Variants in ANKRD34A observed in about 807,000 individuals in gnomAD.
The protein encoded by ANKRD34A is ankyrin repeat domain 34A, also known as ankyrin repeat domain-containing protein 34A.
Under a neutral mutation model 27.1 loss-of-function variants are expected in ANKRD34A, and 7 were observed. The ratio of observed to expected loss-of-function variants is 0.26; its 90% CI spans 0.15 to 0.49. The LOEUF (loss-of-function observed/expected upper bound fraction) is 0.49, where lower values mean the gene tolerates loss of function less well. Among genes scored for constraint, ANKRD34A ranks in the 20% least tolerant of loss-of-function variants. The pLI, the probability that ANKRD34A is intolerant of heterozygous loss-of-function variation, is 0.99. For missense variants in ANKRD34A, 472 were observed against 682.1 expected (o/e 0.69, Z 3.43); for synonymous variants, 301 against 300.8 (o/e 1.00, Z -0.01).
chr1:145,961,129 G>C lies in ANKRD34A; in HGVS notation c.631C>G (p.Arg211Gly). Residue 211 changes from arginine to glycine, a missense_variant, in exon 4 of 4, where the codon CGG becomes GGG. Around this residue, in one of 4 missense-constraint regions of ANKRD34A, gnomAD observed 295 missense variants for 335.0 expected, o/e 0.88. Coordinates refer to ENST00000606888, the MANE Select transcript of ANKRD34A (RefSeq NM_001039888.4). This position sits in a 1 kb window ranked among gnomAD's most constrained non-coding sequence, Gnocchi z 9.5. ...GGAAGAGGGAATTCAAATACGTCCC[G>C]CTTCTCCTCTTCTTCCTGGGCGCGA... ...SPRAQEEEEK[R>G]DVFEFPLPKP... The C allele has an allele frequency of 6.2e-7, 1 of 1,614,034 alleles. No individual in the cohort carries two copies. The highest frequency in any genetic ancestry group is 8.5e-7 in the Non-Finnish European group (1 of 1,179,948).
Position 145,961,227 on chromosome 1 carries a change from G to C in ANKRD34A, c.533C>G (p.Pro178Arg). Reference protein sequence around the residue: ...VEDPAPASPSPGFCTSPSEIQ... With the variant: ...VEDPAPASPSRGFCTSPSEIQ... ...TTCCGAAGGCGACGTGCAGAACCCCGGGCTAGGAGAGGCGGGAGCAGGGTC... is the reference window on the plus strand; with the variant it reads ...TTCCGAAGGCGACGTGCAGAACCCCCGGCTAGGAGAGGCGGGAGCAGGGTC... Residue 178 changes from proline to arginine, a missense_variant, in exon 4 of 4, where the codon CCG (proline) becomes CGG (arginine). Coordinates refer to ENST00000606888, the MANE Select transcript of ANKRD34A (RefSeq NM_001039888.4). This position sits in a 1 kb window ranked among gnomAD's most constrained non-coding sequence, Gnocchi z 9.5. 1 of 1,613,934 alleles carries C rather than the reference G, an allele frequency of 6.2e-7. No homozygotes were observed. The highest frequency in any genetic ancestry group is 2.2e-5 in the East Asian group (1 of 44,870).
Position 145,960,323 on chromosome 1 carries a change from G to A in ANKRD34A, c.1437C>T (p.Ile479=). ...VRRHSMQTEQ[I]RLLGGFQSLG... ...GACTCTGGAAGCCCCCCAGCAGGCG[G>A]ATCTGCTCAGTCTGCATGGAGTGGC... Residue 479 remains isoleucine, a synonymous_variant, in exon 4 of 4, where the codon ATC becomes ATT. Coordinates refer to ENST00000606888, the MANE Select transcript of ANKRD34A (RefSeq NM_001039888.4). The surrounding 1 kb of genome is among the most constrained non-coding windows in gnomAD (Gnocchi z 5.5). 6.2e-7 allele frequency: 1 copy of A among 1,605,398 alleles called. No individual in the cohort carries two copies. The highest frequency in any genetic ancestry group is 1.1e-5 in the South Asian group (1 of 89,966).
intron 1 of ANKRD34A, 85 bp downstream of exon 1, chr1:145,964,099 T>C (rs1649904379): frequency 6.6e-6 from 1 of 152,270 alleles, no homozygotes; most frequent in Admixed American, 6.5e-5. Flanking sequence ...TAGTGGAAAA[T>C]GCAGAAAAAG....
chr1:145,960,513 T>G lies in ANKRD34A; in HGVS notation c.1247A>C (p.His416Pro), dbSNP rs782052276. The change falls in exon 4 of 4, where the codon CAC (histidine) becomes CCC (proline). Residue 416 changes from histidine to proline, a missense_variant. This residue lies in a region of ANKRD34A where 295 missense variants were observed against 335.0 expected (regional missense o/e 0.88). Coordinates refer to ENST00000606888, the MANE Select transcript of ANKRD34A (RefSeq NM_001039888.4). The surrounding 1 kb of genome is among the most constrained non-coding windows in gnomAD (Gnocchi z 5.5). ...GAAACCCGGCCGCGTTTGCGAGATG[T>G]GGTCCAGGAGCAACGTCCCCGAGCC... is the stretch of plus-strand genomic sequence containing the variant. ...RRGSGTLLLD[H>P]ISQTRPGFLP... 3 of 1,598,350 alleles carry G rather than the reference T, an allele frequency of 1.9e-6. No individual in the cohort carries two copies. The South Asian group carries it at 3.4e-5, about 18-fold the overall frequency.
rs1553761445 is a variant in ANKRD34A at position 145,961,742 on chromosome 1, G to A, written c.18C>T (p.Gly6=). The A allele has an allele frequency of 1.2e-6, 2 of 1,612,932 alleles. No individual in the cohort carries two copies. The highest frequency in any genetic ancestry group is 1.7e-5 in the Admixed American group (1 of 59,946). MLHTE[G]HALLRAVGQG... The stretch of plus-strand genomic sequence containing the variant: ...GACCCACCGCCCGAAGAAGAGCGTG[G>A]CCCTCGGTGTGCAACATAGCTGCGG... Residue 6 remains glycine (G), a synonymous_variant, in exon 4 of 4, where the codon GGC becomes GGT. Coordinates refer to ENST00000606888, the MANE Select transcript of ANKRD34A (RefSeq NM_001039888.4). The surrounding 1 kb of genome is among the most constrained non-coding windows in gnomAD (Gnocchi z 9.5).
At position 145,961,988 on chromosome 1, in the gene ANKRD34A, A is replaced by C; in HGVS notation, c.-120-109T>G. 1.8e-6 allele frequency: 1 copy of C among 545,504 alleles called. No individual in the cohort carries two copies. Among genetic ancestry groups the C allele is most frequent in the Non-Finnish European group, 3.2e-6 (1 of 312,852 alleles). The allele number at this position is 545,504 out of a possible 1,614,324, so 33.8% of individuals were successfully genotyped here. A position where few individuals can be genotyped will look rare whatever the true frequency, so the allele number is the denominator to read the frequency against. On this transcript the variant is annotated intron_variant, in intron 3 of 3. Transcript: ENST00000606888. This position sits in a 1 kb window ranked among gnomAD's most constrained non-coding sequence, Gnocchi z 9.5. Reference sequence around the variant, plus strand: ...TTCACGGCATACAGTCCTTCCTCTAACTCATGCCTTTGAGCCGGCCCTTCC... The same window carrying C: ...TTCACGGCATACAGTCCTTCCTCTACCTCATGCCTTTGAGCCGGCCCTTCC...
chr1:145,960,497 C>T lies in ANKRD34A; in HGVS notation c.1263G>A (p.Arg421=). ...TLLLDHISQT[R]PGFLPPLNVS... is the part of the protein sequence containing the mutation. The stretch of plus-strand genomic sequence containing the variant: ...CGTTGAGAGGGGGTAGGAAACCCGG[C>T]CGCGTTTGCGAGATGTGGTCCAGGA... Residue 421 remains arginine (R), a synonymous_variant, in exon 4 of 4, where the codon CGG becomes CGA. Transcript: ENST00000606888. The surrounding 1 kb of genome is among the most constrained non-coding windows in gnomAD (Gnocchi z 5.5). The T allele has an allele frequency of 6.2e-7, 1 of 1,601,274 alleles. No individual in the cohort carries two copies.
At position 145,960,280 on chromosome 1, in the gene ANKRD34A, G is replaced by T; in HGVS notation, c.1480C>A (p.Pro494Thr). Residue 494 changes from proline (P) to threonine (T), a missense_variant, in exon 4 of 4, where the codon CCA becomes ACA. Transcript: ENST00000606888. The surrounding 1 kb of genome is among the most constrained non-coding windows in gnomAD (Gnocchi z 5.5). ...GFQSLGGPGE[P>T]GR ...TCCTCTCACTCCTCTCAGCGCCCTG[G>T]CTCCCCAGGCCCACCTAGACTCTGG... 2 of 1,528,842 alleles carry T rather than the reference G, an allele frequency of 1.3e-6. No homozygotes were observed. 94.7% of individuals were successfully genotyped at this position (1,528,842 alleles called of 1,614,324 possible).
chr1:145,960,953 C>T lies in ANKRD34A; in HGVS notation c.807G>A (p.Glu269=), dbSNP rs782475984. 5.0e-6 allele frequency: 8 copies of T among 1,614,088 alleles called. No homozygotes were observed. The highest frequency in any genetic ancestry group is 5.9e-6 in the Non-Finnish European group (7 of 1,180,050). Reference sequence around the variant, plus strand: ...GGCCATTGAATTCGGCAGTCAAGCGCTCGATCCCCGGTCTCCCTTCAGTGG... The same window carrying T: ...GGCCATTGAATTCGGCAGTCAAGCGTTCGATCCCCGGTCTCCCTTCAGTGG... ...VPPTEGRPGI[E]RLTAEFNGLT... The change falls in exon 4 of 4, where the codon GAG becomes GAA. Residue 269 remains glutamate (E), a synonymous_variant. Coordinates refer to ENST00000606888, the MANE Select transcript of ANKRD34A (RefSeq NM_001039888.4). This position sits in a 1 kb window ranked among gnomAD's most constrained non-coding sequence, Gnocchi z 5.5.
In ANKRD34A at chr1:145,961,833, G is replaced by A. The variant is rs1465697548; in HGVS notation, c.-74C>T. The A allele has an allele frequency of 2.0e-6, 3 of 1,487,610 alleles. No homozygotes were observed. The highest frequency in any genetic ancestry group is 2.7e-6 in the Non-Finnish European group (3 of 1,118,516). The allele number at this position is 1,487,610 out of a possible 1,614,324, so 92.2% of individuals were successfully genotyped here. A position where few individuals can be genotyped will look rare whatever the true frequency, so the allele number is the denominator to read the frequency against. On this transcript the variant is annotated 5_prime_UTR_variant, in exon 4 of 4. Transcript: ENST00000606888. The surrounding 1 kb of genome is among the most constrained non-coding windows in gnomAD (Gnocchi z 9.5). ...CGAGGATGACTAGGGGTATGGGGAGGGGGAGTGGCTGGCAGAGGCCTGAGG... is the reference window on the plus strand; with the variant it reads ...CGAGGATGACTAGGGGTATGGGGAGAGGGAGTGGCTGGCAGAGGCCTGAGG...
chr1:145,961,265 G>T lies in ANKRD34A; in HGVS notation c.495C>A (p.Ser165=), dbSNP rs1649745209. The T allele has an allele frequency of 5.6e-6, 9 of 1,614,128 alleles. No individual in the cohort carries two copies. The highest frequency in any genetic ancestry group is 7.6e-6 in the Non-Finnish European group (9 of 1,180,006). Residue 165 remains serine, a synonymous_variant, in exon 4 of 4, where the codon TCC becomes TCA. Coordinates refer to ENST00000606888, the MANE Select transcript of ANKRD34A (RefSeq NM_001039888.4). The surrounding 1 kb of genome is among the most constrained non-coding windows in gnomAD (Gnocchi z 9.5). ...CGGGAGCAGGGTCCTCCACCCCTGG[G>T]GATGGTGGAGAATTGAGATACTGCC... ...KTRQYLNSPP[S]PGVEDPAPAS... is the part of the protein sequence containing the mutation.
Position 145,960,976 on chromosome 1 carries a change from T to G in ANKRD34A, c.784A>C (p.Thr262Pro), listed in dbSNP as rs1553761269. The change falls in exon 4 of 4, where the codon ACT (threonine) becomes CCT (proline). Residue 262 changes from threonine to proline, a missense_variant. Coordinates refer to ENST00000606888, the MANE Select transcript of ANKRD34A (RefSeq NM_001039888.4). The surrounding 1 kb of genome is among the most constrained non-coding windows in gnomAD (Gnocchi z 5.5). ...LVAPPQPVPPTEGRPGIERLT... is the reference protein window; with the variant it reads ...LVAPPQPVPPPEGRPGIERLT... ...CGCTCGATCCCCGGTCTCCCTTCAG[T>G]GGGTGGGACTGGTTGAGGAGGGGCC... 2.5e-6 allele frequency: 4 copies of G among 1,613,878 alleles called. No individual in the cohort carries two copies. The highest frequency in any genetic ancestry group is 2.2e-5 in the South Asian group (2 of 91,068).
rs190240217 is a variant in ANKRD34A at position 145,961,976 on chromosome 1, G to T, written c.-120-97C>A. ...GTGGAGGAGACCTTCACGGCATACA[G>T]TCCTTCCTCTAACTCATGCCTTTGA... is the stretch of plus-strand genomic sequence containing the variant. On this transcript the variant is annotated intron_variant, in intron 3 of 3. Coordinates refer to ENST00000606888, the MANE Select transcript of ANKRD34A (RefSeq NM_001039888.4). This position sits in a 1 kb window ranked among gnomAD's most constrained non-coding sequence, Gnocchi z 9.5. 15 of 582,864 alleles carry T rather than the reference G, an allele frequency of 2.6e-5. No homozygotes were observed. Among genetic ancestry groups the T allele is most frequent in the Non-Finnish European group, 3.9e-5 (13 of 336,006 alleles). 36.1% of individuals were successfully genotyped at this position (582,864 alleles called of 1,614,324 possible).
At position 145,960,199 on chromosome 1, in the gene ANKRD34A, T is replaced by C; in HGVS notation, c.*70A>G. On this transcript the variant is annotated 3_prime_UTR_variant, in exon 4 of 4. Coordinates refer to ENST00000606888, the MANE Select transcript of ANKRD34A (RefSeq NM_001039888.4). The surrounding 1 kb of genome is among the most constrained non-coding windows in gnomAD (Gnocchi z 5.5). Reference sequence around the variant, plus strand: ...GAGATCCCTTTGTTCGTGGTGTGTGTGTGAGCTGGTTCTCCCACCTATCCC... The same window carrying C: ...GAGATCCCTTTGTTCGTGGTGTGTGCGTGAGCTGGTTCTCCCACCTATCCC... The C allele has an allele frequency of 3.5e-6, 5 of 1,436,458 alleles. No individual in the cohort carries two copies. The highest frequency in any genetic ancestry group is 4.6e-6 in the Non-Finnish European group (5 of 1,088,310). 89.0% of individuals were successfully genotyped at this position (1,436,458 alleles called of 1,614,324 possible).
chr1:145,962,764 CTCCAATCCTGACT>C lies in ANKRD34A; in HGVS notation c.-477_-465del, dbSNP rs1350097742. ...ACATAAACCCTCAAAAACCTAGAGG[CTCCAATCCTGACT>C]TCCTTTTCTCAGCCGACCTCCCCTC... On this transcript the variant is annotated 5_prime_UTR_variant, in exon 3 of 4. It removes the in-frame stop codon of an upstream open reading frame in the 5' UTR. Transcript: ENST00000606888. 22 of 151,748 alleles carry C rather than the reference CTCCAATCCTGACT, an allele frequency of 1.4e-4. No individual in the cohort carries two copies. 9.4% of individuals were successfully genotyped at this position (151,748 alleles called of 1,614,324 possible). A position where few individuals can be genotyped will look rare whatever the true frequency, so the allele number is the denominator to read the frequency against.
rs1416694230 is a variant in ANKRD34A at position 145,962,612 on chromosome 1, G to C, written c.-312C>G. The C allele has an allele frequency of 1.5e-5, 2 of 130,350 alleles. No homozygotes were observed. The highest frequency in any genetic ancestry group is 5.7e-4 in the East Asian group (2 of 3,526). The allele number at this position is 130,350 out of a possible 1,614,324, so 8.1% of individuals were successfully genotyped here. Reference sequence around the variant, plus strand: ...CCCGGAGCGCCCCGGGCACAGCGCCGGCTCGGGAGGAGAGAAGCTTGGCGG... The same window carrying C: ...CCCGGAGCGCCCCGGGCACAGCGCCCGCTCGGGAGGAGAGAAGCTTGGCGG... On this transcript the variant is annotated 5_prime_UTR_variant, in exon 3 of 4. Transcript: ENST00000606888.
chr1:145,962,391 C>T (rs1649813680), intron 3 of ANKRD34A, 30 bp downstream of exon 3: 2 of 152,322 alleles, frequency 1.3e-5, no homozygotes, highest in Non-Finnish European at 2.9e-5. Flanking sequence ...TTGCTCTTTC[C>T]CCTCCCAGGC....
chr1:145,960,491 A>G lies in ANKRD34A; in HGVS notation c.1269T>C (p.Gly423=). The G allele has an allele frequency of 5.0e-6, 8 of 1,601,770 alleles. No individual in the cohort carries two copies. Among genetic ancestry groups the G allele is most frequent in the Non-Finnish European group, 6.8e-6 (8 of 1,174,118 alleles). The change falls in exon 4 of 4, where the codon GGT becomes GGC. Residue 423 remains glycine (G), a synonymous_variant. Coordinates refer to ENST00000606888, the MANE Select transcript of ANKRD34A (RefSeq NM_001039888.4). This position sits in a 1 kb window ranked among gnomAD's most constrained non-coding sequence, Gnocchi z 5.5. ...GACTGACGTTGAGAGGGGGTAGGAAACCCGGCCGCGTTTGCGAGATGTGGT... is the reference window on the plus strand; with the variant it reads ...GACTGACGTTGAGAGGGGGTAGGAAGCCCGGCCGCGTTTGCGAGATGTGGT... ...LLDHISQTRP[G]FLPPLNVSPH...
chr1:145,960,191 G>GGT lies in ANKRD34A; in HGVS notation c.*76_*77dup, dbSNP rs1486469816. ...ACATGCAAGAGATCCCTTTGTTCGT[G>GGT]GTGTGTGTGTGAGCTGGTTCTCCCA... On this transcript the variant is annotated 3_prime_UTR_variant, in exon 4 of 4. Transcript: ENST00000606888. The surrounding 1 kb of genome is among the most constrained non-coding windows in gnomAD (Gnocchi z 5.5). 1 of 1,419,508 alleles carries GGT rather than the reference G, an allele frequency of 7.0e-7. No homozygotes were observed. 87.9% of individuals were successfully genotyped at this position (1,419,508 alleles called of 1,614,324 possible).
Sources: allele counts gnomAD v4.1 joint callset, GRCh38; gene constraint gnomAD v4.1.1; regional missense constraint gnomAD v4.1.1; non-coding constraint Gnocchi (gnomAD v3.1); transcripts MANE v1.5; gene names NCBI Gene and HGNC (gene_info 2026-07-23, HGNC 2026-07-21).